The following ZNF804A variants were observed in gnomAD, a reference collection of about 807,000 sequenced individuals.
ZNF804A encodes the protein zinc finger protein 804A.
A neutral mutation model predicts 16.5 loss-of-function variants in ZNF804A; 2 were observed. That is an observed-to-expected ratio of 0.12 (90% confidence interval 0.05 to 0.38). The LOEUF (loss-of-function observed/expected upper bound fraction) is 0.38. Among genes scored for constraint, ZNF804A ranks in the 10% least tolerant of loss-of-function variants. The probability of loss-of-function intolerance (pLI) is 0.99; values close to 1 mark genes in which losing one functional copy is unlikely to be tolerated. For synonymous variants in ZNF804A, 534 were observed against 489.6 expected (o/e 1.09, Z -1.20); for missense variants, 1,473 against 1,390.7 (o/e 1.06, Z -0.94).
In ZNF804A at chr2:184,937,381, C is replaced by A; in HGVS notation, c.1985C>A (p.Ser662Ter). Residue 662 changes from serine to a stop codon, truncating the protein, a stop_gained, in exon 4 of 4, where the codon TCA becomes TAA. Transcript: ENST00000302277. LOFTEE classifies it low-confidence loss of function (END_TRUNC). ...CAGTTACTTGATAAAAGGCCCAAAT[C>A]AGAATCCATATCCTTAAGTGACAAT... ...SHQLLDKRPKSESISLSDNEE... is the reference protein window; with the variant it reads ...SHQLLDKRPK 6.2e-7 allele frequency: 1 copy of A among 1,613,600 alleles called. No individual in the cohort carries two copies. The highest frequency in any genetic ancestry group is 1.1e-5 in the South Asian group (1 of 91,032).
chr2:184,686,003 G>A (rs1692623119), intron 1 of ZNF804A, among the ~76,000 whole-genome samples: 1 of 152,328 alleles, frequency 6.6e-6, no homozygotes, highest in Middle Eastern at 3.4e-3. Flanking sequence ...GGCAGGGGCT[G>A]GCATGTCAGC....
intron 1 of ZNF804A, among the ~76,000 whole-genome samples, chr2:184,639,145 C>A (rs1478070478): frequency 1.4e-5 from 2 of 146,458 alleles, no homozygotes; most frequent in African/African-American, 5.1e-5. Context: ...GTGCTCTCGG[C>A]TCACTGCAAC....
rs751512919 is a variant in ZNF804A, at chr2:184,938,390, C to G, written c.2994C>G (p.Ile998Met). 1 of 1,614,080 alleles carries G rather than the reference C, an allele frequency of 6.2e-7. No individual in the cohort carries two copies. Among genetic ancestry groups the G allele is most frequent in the Non-Finnish European group, 8.5e-7 (1 of 1,180,020 alleles). The stretch of plus-strand genomic sequence containing the variant: ...AGTGGCTGCGTTATAATTCAGGAAT[C>G]CTTAACACACAACCACCATTACCAT... ...PTEWLRYNSGILNTQPPLPFK... is the reference protein window; with the variant it reads ...PTEWLRYNSGMLNTQPPLPFK... The change falls in exon 4 of 4, where the codon ATC becomes ATG. Residue 998 changes from isoleucine (I) to methionine (M), a missense_variant. Transcript: ENST00000302277.
chr2:184,764,775 C>T (rs1694090520), intron 1 of ZNF804A, among the ~76,000 whole-genome samples: 1 of 151,936 alleles, frequency 6.6e-6, no homozygotes, highest in African/African-American at 2.4e-5. Flanking sequence ...TCGCAAATGA[C>T]AGCCAAAATT....
At chr2:184,785,521 A>C (rs1694433802) in intron 1 of ZNF804A, among the ~76,000 whole-genome samples, 1 of 152,016 alleles carries the variant, frequency 6.6e-6, no homozygotes, top group African/African-American at 2.4e-5. Flanking sequence ...TAAGTTTTAA[A>C]ATGAAGACAG....
intron 1 of ZNF804A, among the ~76,000 whole-genome samples, chr2:184,810,334 TTA>T (rs1165939190): frequency 1.3e-5 from 2 of 152,176 alleles, no homozygotes; most frequent in African/African-American, 4.8e-5. Context: ...AACAAATCAA[TTA>T]TATGTGTTCA....
chr2:184,934,282 C>A (rs112837826), intron 3 of ZNF804A, among the ~76,000 whole-genome samples: 1 of 152,184 alleles, frequency 6.6e-6, no homozygotes, highest in South Asian at 2.1e-4. Flanking sequence ...TAACAGTGAG[C>A]AGCTATTAGG....
chr2:184,816,558 T>C (rs1694986554), intron 1 of ZNF804A, among the ~76,000 whole-genome samples: 1 of 152,056 alleles, frequency 6.6e-6, no homozygotes, highest in South Asian at 2.1e-4. Context: ...TTCCTTTTTA[T>C]CTTCTTCATG....
intron 1 of ZNF804A, among the ~76,000 whole-genome samples, chr2:184,663,676 CTTTG>C (rs1030592372): frequency 1.3e-5 from 2 of 152,026 alleles, no homozygotes; most frequent in African/African-American, 2.4e-5. Context: ...TTTAGGGTGC[CTTTG>C]TTTGGGGCCC....
chr2:184,934,967 C>T (rs1685762066), intron 3 of ZNF804A, among the ~76,000 whole-genome samples: 2 of 152,036 alleles, frequency 1.3e-5, no homozygotes. Context: ...TTCTTGTCTA[C>T]TTATAATATT....
At position 184,782,696 on chromosome 2, in the gene ZNF804A, G is replaced by GAT. The variant is rs150620074; in HGVS notation, c.112-83658_112-83657dup. The stretch of plus-strand genomic sequence containing the variant: ...TAGGATATGTATATCCTATATATAG[G>GAT]ATATATATATATATATCCTCTTAGT... On this transcript the variant is annotated intron_variant, in intron 1 of 3. Transcript: ENST00000302277. Among the ~76,000 whole-genome samples the GAT allele has an allele frequency of 5.9e-3, 835 of 142,698 alleles. 4 individuals are homozygous for GAT. The highest frequency in any genetic ancestry group is 0.012 in the African/African-American group (452 of 39,118). 93.6% of individuals were successfully genotyped at this position (142,698 alleles called of 152,430 possible). A position where few individuals can be genotyped will look rare whatever the true frequency, so the allele number is the denominator to read the frequency against.
intron 2 of ZNF804A, among the ~76,000 whole-genome samples, chr2:184,875,776 A>G (rs1450377611): frequency 2.0e-5 from 3 of 151,832 alleles, no homozygotes; most frequent in Non-Finnish European, 4.4e-5. Flanking sequence ...TAAAAAAAAA[A>G]AAAAAAAAGG....
chr2:184,936,344 T>C lies in ZNF804A; in HGVS notation c.948T>C (p.Leu316=), dbSNP rs1429227881. ...TACCTTCATTTTGCAAGTTTCAACT[T>C]CAGTTATCTTCTGATGCAGATAATT... ...LLLPSFCKFQ[L]QLSSDADNCQ... The change falls in exon 4 of 4, where the codon CTT becomes CTC. Residue 316 remains leucine, a synonymous_variant. Coordinates refer to ENST00000302277, the MANE Select transcript of ZNF804A (RefSeq NM_194250.2). 5 of 1,613,764 alleles carry C rather than the reference T, an allele frequency of 3.1e-6. No homozygotes were observed. The highest frequency in any genetic ancestry group is 3.3e-5 in the Admixed American group (2 of 59,948).
In ZNF804A at chr2:184,732,507, G is replaced by A. The variant is rs141448755; in HGVS notation, c.111+133437G>A. Among the ~76,000 whole-genome samples the A allele has an allele frequency of 2.4e-3, 359 of 151,994 alleles. 2 individuals are homozygous for A. Among genetic ancestry groups the A allele is most frequent in the African/African-American group, 8.0e-3 (331 of 41,500 alleles). The stretch of plus-strand genomic sequence containing the variant: ...CTTTGTTCTTCTTTATTACTGTGTT[G>A]GCTATTCTGTGTCTTTTCCCTCTCC... On this transcript the variant is annotated intron_variant, in intron 1 of 3. Transcript: ENST00000302277.
intron 2 of ZNF804A, among the ~76,000 whole-genome samples, chr2:184,912,660 T>C (rs1196222634): frequency 6.6e-6 from 1 of 152,072 alleles, no homozygotes; most frequent in Non-Finnish European, 1.5e-5. Flanking sequence ...GAGTGTGAAA[T>C]GGTTTCTAAT....
At chr2:184,877,599 A>G (rs1684729578) in intron 2 of ZNF804A, among the ~76,000 whole-genome samples, 2 of 152,112 alleles carry the variant, frequency 1.3e-5, no homozygotes, top group Admixed American at 1.3e-4. Context: ...TAAATATGGT[A>G]AATAGCAAGA....
In ZNF804A at chr2:184,783,137, A is replaced by AG. The variant is rs1558960287; in HGVS notation, c.112-83231dup. On this transcript the variant is annotated intron_variant, in intron 1 of 3. Transcript: ENST00000302277. ...AAAAAAAGAATTATATAAAAGAGTG[A>AG]GTTTTTTTTTTTTTTTTTTTTTTTT... Among the ~76,000 whole-genome samples the AG allele has an allele frequency of 2.6e-3, 107 of 40,488 alleles. 1 individual carries two copies. In the South Asian group the frequency reaches 0.092, roughly 35 times the overall value. The allele number at this position is 40,488 out of a possible 152,430, so 26.6% of individuals were successfully genotyped here. A position where few individuals can be genotyped will look rare whatever the true frequency, so the allele number is the denominator to read the frequency against.
chr2:184,672,475 C>T (rs1388380104), intron 1 of ZNF804A, among the ~76,000 whole-genome samples: 1 of 152,114 alleles, frequency 6.6e-6, no homozygotes, highest in Non-Finnish European at 1.5e-5. Context: ...GAAATTTGTT[C>T]CCAGATACAT....
chr2:184,683,615 G>A (rs1692577255), intron 1 of ZNF804A, among the ~76,000 whole-genome samples: 2 of 152,076 alleles, frequency 1.3e-5, no homozygotes. Flanking sequence ...AGTTCCTAAA[G>A]CAGAGTTGCT....
Sources: allele counts gnomAD v4.1 joint callset (sites outside exome capture counted in the v4.1 genomes callset), GRCh38; gene constraint gnomAD v4.1.1; transcripts MANE v1.5; gene names NCBI Gene and HGNC (gene_info 2026-07-23, HGNC 2026-07-21).